ARL15: variants seen among roughly 807,000 people sequenced by gnomAD.
ARL15 encodes ADP-ribosylation factor-like protein 15.
ARL15 carries 19 observed loss-of-function variants against 25.2 expected under a neutral mutation model. The observed-to-expected ratio is 0.75, with a 90% CI of 0.53 to 1.10. The LOEUF (loss-of-function observed/expected upper bound fraction) is 1.10. Among genes scored for constraint, ARL15 ranks in the 50% least tolerant of loss-of-function variants. The pLI is 0.00. For synonymous variants in ARL15, 94 were observed against 86.8 expected, an observed-to-expected ratio of 1.08 and a Z score of -0.46; for missense variants, 220 against 246.0, an observed-to-expected ratio of 0.89 and a Z score of 0.71.
At chr5:54,022,996 T>C (rs1235744906) in intron 4 of ARL15, among the ~76,000 whole-genome samples, 1 of 152,024 alleles carries the variant, frequency 6.6e-6, no homozygotes, top group Admixed American at 6.5e-5. Flanking sequence ...AACTGAAAAA[T>C]GTAATAATGA....
chr5:54,162,472 G>A (rs1460135787), intron 2 of ARL15, among the ~76,000 whole-genome samples: 3 of 151,932 alleles, frequency 2.0e-5, no homozygotes, highest in South Asian at 2.1e-4. Context: ...TCTTATCAGC[G>A]CCTCTCAGCA....
intron 1 of ARL15, among the ~76,000 whole-genome samples, chr5:54,308,138 C>T (rs1758808987): frequency 6.6e-6 from 1 of 152,234 alleles, no homozygotes; most frequent in Middle Eastern, 3.4e-3. Context: ...CTCTGAAAGT[C>T]GACAAGCAAA....
At chr5:54,079,100 A>G (rs938896755) in intron 4 of ARL15, among the ~76,000 whole-genome samples, 1 of 152,204 alleles carries the variant, frequency 6.6e-6, no homozygotes, top group Non-Finnish European at 1.5e-5. Flanking sequence ...TTAAATTACA[A>G]TTTATATAAA....
At chr5:54,280,793 C>T (rs1319054512) in intron 1 of ARL15, among the ~76,000 whole-genome samples, 1 of 152,122 alleles carries the variant, frequency 6.6e-6, no homozygotes, top group African/African-American at 2.4e-5. Context: ...GTAAGTATCA[C>T]TATATTTCCA....
intron 1 of ARL15, among the ~76,000 whole-genome samples, chr5:54,208,334 T>A (rs912134338): frequency 6.6e-5 from 10 of 151,680 alleles, no homozygotes; most frequent in African/African-American, 2.4e-4. Flanking sequence ...CAGGAAAAAA[T>A]TTTTTAAACT....
intron 4 of ARL15, among the ~76,000 whole-genome samples, chr5:53,888,966 T>C (rs991892686): frequency 2.0e-5 from 3 of 152,162 alleles, no homozygotes; most frequent in Admixed American, 1.3e-4. Context: ...ATCTAGTATT[T>C]GATCAATAAT....
At chr5:54,181,462 A>G (rs1755054342) in intron 1 of ARL15, among the ~76,000 whole-genome samples, 1 of 152,240 alleles carries the variant, frequency 6.6e-6, no homozygotes, top group Non-Finnish European at 1.5e-5. Flanking sequence ...TTTAAAGGAA[A>G]GTGAATGAGA....
chr5:54,005,916 G>A lies in ARL15; in HGVS notation c.462+107286C>T, dbSNP rs1348012992. ...TAGCCAGGTGTGGTGGCACATGCCT[G>A]TAATCCCAGCTACTCAGGAGGCTGT... On this transcript the variant is annotated intron_variant, in intron 4 of 4. Transcript: ENST00000504924. Among the ~76,000 whole-genome samples, 10 of 151,432 alleles carry A rather than the reference G, an allele frequency of 6.6e-5. No homozygotes were observed. The South Asian group carries it at 1.9e-3, about 28-fold the overall frequency.
intron 1 of ARL15, among the ~76,000 whole-genome samples, chr5:54,303,669 A>G (rs575110734): frequency 4.4e-4 from 66 of 150,670 alleles, no homozygotes; most frequent in Admixed American, 9.3e-4. Context: ...AAAAAAAAAA[A>G]AAGAAGAAGA....
chr5:54,021,101 C>T (rs1235452590), intron 4 of ARL15, among the ~76,000 whole-genome samples: 4 of 152,092 alleles, frequency 2.6e-5, no homozygotes, highest in African/African-American at 7.2e-5. Flanking sequence ...TTTGGAAGGC[C>T]GAGGTGGGCA....
rs1331811541 is a variant in ARL15, at chr5:54,225,298, C to T, written c.49-53370G>A. 2.6e-5 allele frequency among the ~76,000 whole-genome samples: 4 copies of T among 152,210 alleles called. No individual in the cohort carries two copies. In the South Asian group the frequency reaches 8.3e-4, roughly 32 times the overall value. The stretch of plus-strand genomic sequence containing the variant: ...GATGGCACCATGTCATGGGGACTAG[C>T]GGAGAGAAGCAAAGCGCCTTTATCC... On this transcript the variant is annotated intron_variant, in intron 1 of 4. Transcript: ENST00000504924.
chr5:53,890,073 A>C (rs927448646), intron 4 of ARL15, among the ~76,000 whole-genome samples: 1 of 152,160 alleles, frequency 6.6e-6, no homozygotes, highest in Non-Finnish European at 1.5e-5. Flanking sequence ...TTGGCCTCCC[A>C]AAGTGCTGGG....
intron 4 of ARL15, among the ~76,000 whole-genome samples, chr5:53,906,313 G>A (rs897726557): frequency 3.9e-5 from 6 of 152,146 alleles, no homozygotes; most frequent in Non-Finnish European, 2.9e-5. Flanking sequence ...AAATGTGTCC[G>A]GTAGGTTGCA....
At chr5:54,067,314 A>G (rs1389359873) in intron 4 of ARL15, 1 of 152,602 alleles carries the variant, frequency 6.6e-6, no homozygotes, top group Admixed American at 6.5e-5. Flanking sequence ...ACAGAAGCTT[A>G]AAACTTACAC....
At chr5:54,037,099 T>C (rs1488841157) in intron 4 of ARL15, among the ~76,000 whole-genome samples, 6 of 152,052 alleles carry the variant, frequency 3.9e-5, no homozygotes, top group Admixed American at 1.3e-4. Flanking sequence ...CAGAAAATCT[T>C]AGATTTTAAA....
At chr5:54,271,529 G>A (rs1165825807) in intron 1 of ARL15, among the ~76,000 whole-genome samples, 1 of 152,136 alleles carries the variant, frequency 6.6e-6, no homozygotes, top group African/African-American at 2.4e-5. Context: ...TATACATGTT[G>A]GGTACGAATG....
chr5:53,938,551 G>T (rs1746428659), intron 4 of ARL15, among the ~76,000 whole-genome samples: 1 of 152,222 alleles, frequency 6.6e-6, no homozygotes, highest in Non-Finnish European at 1.5e-5. Flanking sequence ...TTCTGGCCGG[G>T]TGCTGTGGCT....
At position 53,886,422 on chromosome 5, in the gene ARL15, T is replaced by A; in HGVS notation, c.*139A>T. ...CTGATCTACAGAATATTCACTTTAA[T>A]AGAGAGATGAGAGTCTGAAATGACC... On this transcript the variant is annotated 3_prime_UTR_variant, in exon 5 of 5. Transcript: ENST00000504924. The A allele has an allele frequency of 1.2e-6, 1 of 864,694 alleles. No individual in the cohort carries two copies. Among genetic ancestry groups the A allele is most frequent in the South Asian group, 1.9e-5 (1 of 51,604 alleles). The allele number at this position is 864,694 out of a possible 1,614,324, so 53.6% of individuals were successfully genotyped here.
intron 1 of ARL15, among the ~76,000 whole-genome samples, chr5:54,264,340 T>C (rs979974817): frequency 6.6e-6 from 1 of 152,160 alleles, no homozygotes; most frequent in African/African-American, 2.4e-5. Context: ...TATCACACTG[T>C]TCAAACCAAA....
Sources: allele counts gnomAD v4.1 joint callset (sites outside exome capture counted in the v4.1 genomes callset), GRCh38; gene constraint gnomAD v4.1.1; transcripts MANE v1.5; gene names NCBI Gene and HGNC (gene_info 2026-07-23, HGNC 2026-07-21).